Variants in KDM6A observed in about 807,000 individuals in gnomAD.
KDM6A encodes the protein lysine-specific demethylase 6A.
Under a neutral mutation model 117.6 loss-of-function variants are expected in KDM6A, and 11 were observed. The observed-to-expected ratio is 0.09, with a 90% CI of 0.06 to 0.15. The LOEUF (loss-of-function observed/expected upper bound fraction) is 0.15, where lower values mean the gene tolerates loss of function less well. Among genes scored for constraint, KDM6A ranks in the 10% least tolerant of loss-of-function variants. The probability of loss-of-function intolerance (pLI) is 1.00; values close to 1 mark genes in which losing one functional copy is unlikely to be tolerated. For synonymous variants in KDM6A, 384 were observed against 396.1 expected, an observed-to-expected ratio of 0.97 and a Z score of 0.36; for missense variants, 799 against 1,077.3, an observed-to-expected ratio of 0.74 and a Z score of 3.62.
intron 2 of KDM6A, among the ~76,000 whole-genome samples, chrX:44,882,129 G>T (rs1044781496): frequency 8.9e-6 from 1 of 111,821 alleles, no homozygotes; most frequent in Non-Finnish European, 1.9e-5. Context: ...AATTGTTTTA[G>T]ACAAAGGGTT....
intron 2 of KDM6A, among the ~76,000 whole-genome samples, chrX:44,911,925 G>T (rs1291334385): frequency 1.8e-5 from 2 of 108,937 alleles, no homozygotes; most frequent in Non-Finnish European, 3.8e-5. Context: ...CGCTTGGCAG[G>T]TTGAGGCAGG....
chrX:45,078,596 T>C, intron 20 of KDM6A, 91 bp downstream of exon 20: 2 of 723,472 alleles, frequency 2.8e-6, no homozygotes, highest in East Asian at 7.2e-5. Context: ...TTCTTTTTTT[T>C]CTTTTTTCTT....
chrX:44,928,267 G>A (rs2036420237), intron 2 of KDM6A, among the ~76,000 whole-genome samples: 1 of 111,715 alleles, frequency 9.0e-6, no homozygotes, highest in African/African-American at 3.3e-5. Context: ...AATGCATGCT[G>A]GAGTACGTAG....
rs549636424 is a variant in KDM6A, at chrX:45,014,742, A to G, written c.443+3723A>G. On this transcript the variant is annotated intron_variant, in intron 5 of 29. Transcript: ENST00000611820. ...AGTTGGGGGAAAAGATAAAGTCAGTACAATAGAAATCATTCTTCCTTGTAT... is the reference window on the plus strand; with the variant it reads ...AGTTGGGGGAAAAGATAAAGTCAGTGCAATAGAAATCATTCTTCCTTGTAT... Among the ~76,000 whole-genome samples, 71 of 112,221 alleles carry G rather than the reference A, an allele frequency of 6.3e-4. 1 individual carries two copies. The South Asian group carries it at 0.025, about 39-fold the overall frequency.
Position 44,902,161 on chromosome X carries a change from C to T in KDM6A, c.225+28174C>T, listed in dbSNP as rs377127344. On this transcript the variant is annotated intron_variant, in intron 2 of 29. Coordinates refer to ENST00000611820, the MANE Select transcript of KDM6A (RefSeq NM_001291415.2). ...AGGAGAATCACTTGAACCTGGGAGG[C>T]GGAGGTTGCAGTGGCCAAAATTGTG... Among the ~76,000 whole-genome samples, 24 of 110,434 alleles carry T rather than the reference C, an allele frequency of 2.2e-4. No individual in the cohort carries two copies. In the East Asian group the frequency reaches 2.7e-3, roughly 12 times the overall value.
intron 2 of KDM6A, among the ~76,000 whole-genome samples, chrX:44,940,324 G>A (rs191918742): frequency 3.2e-4 from 36 of 111,275 alleles, no homozygotes; most frequent in African/African-American, 1.1e-3. Context: ...AAAGTGCTGG[G>A]ATTACAGCCA....
intron 2 of KDM6A, among the ~76,000 whole-genome samples, chrX:44,911,704 G>A (rs755261991): frequency 1.8e-5 from 2 of 111,571 alleles, no homozygotes; most frequent in Admixed American, 1.9e-4. Context: ...GTAGCGAGCC[G>A]AGATCACGCC....
rs368348364 is a variant in KDM6A at position 44,914,491 on chromosome X, AAAGGAAATG to A, written c.225+40515_225+40523del. On this transcript the variant is annotated intron_variant, in intron 2 of 29. Transcript: ENST00000611820. ...TCTCAGATAAGTTTTTTAGGTAGAT[AAAGGAAATG>A]AAGGAAATGATTCCAGGAAGAGCAC... 5.6e-3 allele frequency among the ~76,000 whole-genome samples: 631 copies of A among 111,866 alleles called. 3 individuals are homozygous for A. The highest frequency in any genetic ancestry group is 0.019 in the African/African-American group (588 of 30,727).
chrX:44,891,634 T>C (rs919122502), intron 2 of KDM6A, among the ~76,000 whole-genome samples: 1 of 112,038 alleles, frequency 8.9e-6, no homozygotes, highest in South Asian at 3.7e-4. Flanking sequence ...TTTTTATACT[T>C]TCTGCAGAAA....
At chrX:44,972,626 G>A (rs2039412714) in intron 3 of KDM6A, among the ~76,000 whole-genome samples, 1 of 111,260 alleles carries the variant, frequency 9.0e-6, no homozygotes, top group South Asian at 3.8e-4. Context: ...CAGTGTGCTG[G>A]GGCATGTGTG....
chrX:44,889,485 C>A (rs1367555264), intron 2 of KDM6A, among the ~76,000 whole-genome samples: 1 of 111,903 alleles, frequency 8.9e-6, no homozygotes, highest in Non-Finnish European at 1.9e-5. Context: ...TTTTTAAAAT[C>A]GGCTTTTCAA....
At chrX:44,957,287 CTTTTAAGTT>C (rs1402227323) in intron 2 of KDM6A, among the ~76,000 whole-genome samples, 3 of 111,909 alleles carry the variant, frequency 2.7e-5, no homozygotes. Context: ...TGCAGTTAAT[CTTTTAAGTT>C]GAAAAGAAAA....
At chrX:45,023,617 A>G (rs1000341465) in intron 6 of KDM6A, among the ~76,000 whole-genome samples, 1 of 111,714 alleles carries the variant, frequency 9.0e-6, no homozygotes, top group Non-Finnish European at 1.9e-5. Flanking sequence ...ATAAAGGTGA[A>G]TATATGTGTG....
At chrX:44,892,847 A>T (rs746961924) in intron 2 of KDM6A, among the ~76,000 whole-genome samples, 44 of 108,975 alleles carry the variant, frequency 4.0e-4, no homozygotes, top group Non-Finnish European at 6.7e-4. Flanking sequence ...TACTAAAAAT[A>T]CAAAAGTTAG....
chrX:44,970,042 T>C (rs1396503688), intron 3 of KDM6A, among the ~76,000 whole-genome samples: 1 of 112,404 alleles, frequency 8.9e-6, no homozygotes, highest in Non-Finnish European at 1.9e-5. Context: ...AGAGAGACTT[T>C]GGTGAGGTGA....
intron 25 of KDM6A, among the ~76,000 whole-genome samples, chrX:45,087,911 C>T (rs1408339007): frequency 1.8e-5 from 2 of 112,008 alleles, no homozygotes; most frequent in Admixed American, 9.5e-5. Flanking sequence ...TTTTGTTTCA[C>T]ATAAAGATTG....
chrX:44,983,222 C>A (rs1163690980), intron 4 of KDM6A, among the ~76,000 whole-genome samples: 1 of 111,242 alleles, frequency 9.0e-6, no homozygotes, highest in African/African-American at 3.3e-5. Flanking sequence ...TGGTGCATCC[C>A]GGTGATTAAG....
chrX:44,923,084 T>C (rs2036069223), intron 2 of KDM6A, among the ~76,000 whole-genome samples: 1 of 112,036 alleles, frequency 8.9e-6, no homozygotes, highest in Non-Finnish European at 1.9e-5. Context: ...TTGCATTGTT[T>C]TTGAGGTGAA....
chrX:44,918,398 CTT>C (rs1450099193), intron 2 of KDM6A, among the ~76,000 whole-genome samples: 1 of 110,764 alleles, frequency 9.0e-6, no homozygotes, highest in African/African-American at 3.3e-5. Flanking sequence ...CATATTATCT[CTT>C]TTGGGGAATG....
Sources: allele counts gnomAD v4.1 joint callset (sites outside exome capture counted in the v4.1 genomes callset), GRCh38; gene constraint gnomAD v4.1.1; transcripts MANE v1.5; gene names NCBI Gene and HGNC (gene_info 2026-07-23, HGNC 2026-07-21).